LRRC7: variants seen among roughly 807,000 people sequenced by gnomAD.
LRRC7 encodes the protein leucine-rich repeat-containing protein 7.
A neutral mutation model predicts 175.7 loss-of-function variants in LRRC7; 23 were observed. The observed-to-expected ratio is 0.13, with a 90% CI of 0.09 to 0.19. The LOEUF (loss-of-function observed/expected upper bound fraction) is 0.19. Among genes scored for constraint, LRRC7 ranks in the 10% least tolerant of loss-of-function variants. LRRC7 has a pLI of 1.00. For synonymous variants in LRRC7, 685 were observed against 680.9 expected, an observed-to-expected ratio of 1.01 and a Z score of -0.09; for missense variants, 1,354 against 1,904.7, an observed-to-expected ratio of 0.71 and a Z score of 5.38.
At chr1:69,993,529 C>CCACA (rs147799973) in intron 10 of LRRC7, among the ~76,000 whole-genome samples, 1 of 151,202 alleles carries the variant, frequency 6.6e-6, no homozygotes, top group African/African-American at 2.4e-5. Flanking sequence ...ATACTGTGCA[C>CCACA]CACACACACA....
chr1:69,882,725 T>A (rs1219884385), intron 7 of LRRC7, among the ~76,000 whole-genome samples: 1 of 150,308 alleles, frequency 6.7e-6, no homozygotes, highest in African/African-American at 2.4e-5. Context: ...TAACCCGTCA[T>A]CTAGCATTAG....
At chr1:69,672,895 G>A (rs1314192652) in intron 1 of LRRC7, among the ~76,000 whole-genome samples, 7 of 152,182 alleles carry the variant, frequency 4.6e-5, no homozygotes, top group Non-Finnish European at 7.4e-5. Context: ...GTCGGTTCCT[G>A]TGAGTGACCT....
chr1:69,809,221 C>T (rs990558072), intron 4 of LRRC7, among the ~76,000 whole-genome samples: 26 of 152,184 alleles, frequency 1.7e-4, no homozygotes, highest in African/African-American at 5.5e-4. Context: ...AAGTCTAAAC[C>T]AGGAAGAAGT....
At chr1:69,983,858 C>G (rs1279426823) in intron 9 of LRRC7, among the ~76,000 whole-genome samples, 1 of 152,154 alleles carries the variant, frequency 6.6e-6, no homozygotes. Context: ...TGTGACATGA[C>G]TTAATCTCCA....
chr1:69,884,977 T>C (rs1338712563), intron 7 of LRRC7, among the ~76,000 whole-genome samples: 1 of 150,270 alleles, frequency 6.7e-6, no homozygotes, highest in African/African-American at 2.5e-5. Flanking sequence ...CACTTGATCA[T>C]GGTGGGTAAG....
At chr1:69,643,075 C>T (rs1032874044) in intron 1 of LRRC7, among the ~76,000 whole-genome samples, 1 of 151,996 alleles carries the variant, frequency 6.6e-6, no homozygotes, top group African/African-American at 2.4e-5. Context: ...GTCCTGAAAT[C>T]TGAAGGCCCA....
At chr1:69,867,796 C>T (rs1382992710) in intron 7 of LRRC7, among the ~76,000 whole-genome samples, 1 of 152,008 alleles carries the variant, frequency 6.6e-6, no homozygotes, top group Non-Finnish European at 1.5e-5. Flanking sequence ...GTGCTTGATG[C>T]TTGGGTGAAT....
At chr1:69,575,284 G>T (rs181942016) in intron 1 of LRRC7, among the ~76,000 whole-genome samples, 2 of 152,078 alleles carry the variant, frequency 1.3e-5, no homozygotes, top group Non-Finnish European at 2.9e-5. Context: ...TCTTACACCC[G>T]AGCAAAGTAG....
At chr1:69,723,985 C>A (rs1666649334) in intron 2 of LRRC7, among the ~76,000 whole-genome samples, 1 of 152,132 alleles carries the variant, frequency 6.6e-6, no homozygotes. Flanking sequence ...ACATTCCATT[C>A]ACTGCAAGTA....
intron 7 of LRRC7, among the ~76,000 whole-genome samples, chr1:69,909,245 A>C (rs1646434833): frequency 6.6e-6 from 1 of 152,150 alleles, no homozygotes; most frequent in Admixed American, 6.5e-5. Flanking sequence ...TGTGTCTTTT[A>C]ATTGGAGCAT....
intron 7 of LRRC7, among the ~76,000 whole-genome samples, chr1:69,847,824 C>T (rs565533437): frequency 1.3e-5 from 2 of 152,224 alleles, no homozygotes; most frequent in South Asian, 2.1e-4. Context: ...GTTGTCAGAG[C>T]TTTCTTATTA....
intron 7 of LRRC7, chr1:69,919,511 C>A (rs1646817072): frequency 1.2e-6 from 1 of 827,254 alleles, no homozygotes; most frequent in Non-Finnish European, 2.0e-6. Flanking sequence ...CAGGGGGAGC[C>A]CGCCAGGGTC....
intron 2 of LRRC7, among the ~76,000 whole-genome samples, chr1:69,750,061 A>AAAATAAATAAATAAATAAATAAAT (rs368323946): frequency 2.9e-5 from 4 of 139,128 alleles, no homozygotes; most frequent in African/African-American, 5.4e-5. Flanking sequence ...CTATGTCTCA[A>AAAATAAATAAATAAATAAATAAAT]AAATAAATAA....
intron 1 of LRRC7, among the ~76,000 whole-genome samples, chr1:69,601,724 A>G (rs1328662648): frequency 6.6e-6 from 1 of 152,240 alleles, no homozygotes. Context: ...ATGGGAAAAT[A>G]AAAATATTGG....
At chr1:69,640,404 G>A (rs1654026758) in intron 1 of LRRC7, among the ~76,000 whole-genome samples, 1 of 151,544 alleles carries the variant, frequency 6.6e-6, no homozygotes, top group Non-Finnish European at 1.5e-5. Context: ...TTTTTGACTT[G>A]TATAATAGTG....
rs199999690 is a variant in LRRC7, at chr1:70,038,306, A to G, written c.2482A>G (p.Asn828Asp). ...VAEETTAENANSNPLLSSKSR... is the reference protein window; with the variant it reads ...VAEETTAENADSNPLLSSKSR... Reference sequence around the variant, plus strand: ...TGAGGAAACCACAGCCGAGAATGCCAACAGTAATCCTCTCTTAAGTTCGAA... The same window carrying G: ...TGAGGAAACCACAGCCGAGAATGCCGACAGTAATCCTCTCTTAAGTTCGAA... The change falls in exon 21 of 27, where the codon AAC becomes GAC. Residue 828 changes from asparagine (N) to aspartate (D), a missense_variant. Physicochemically the swap from Asn to Asp is conservative, Grantham distance 23. Transcript: ENST00000651989. 72 of 1,614,020 alleles carry G rather than the reference A, an allele frequency of 4.5e-5. No individual in the cohort carries two copies. Among genetic ancestry groups the G allele is most frequent in the Non-Finnish European group, 5.8e-5 (68 of 1,180,014 alleles).
At chr1:69,956,650 C>T (rs779473085) in intron 8 of LRRC7, among the ~76,000 whole-genome samples, 91 of 151,362 alleles carry the variant, frequency 6.0e-4, no homozygotes, top group Non-Finnish European at 1.0e-3. Flanking sequence ...CTATTCTAAC[C>T]TGATACCTAA....
chr1:70,004,020 A>AAAGG (rs1655774591), intron 11 of LRRC7, among the ~76,000 whole-genome samples: 1 of 152,162 alleles, frequency 6.6e-6, no homozygotes, highest in African/African-American at 2.4e-5. Context: ...TCAACTTTCT[A>AAAGG]AATAGTGAAA....
chr1:70,002,137 T>C (rs1655595564), intron 11 of LRRC7, among the ~76,000 whole-genome samples: 1 of 152,196 alleles, frequency 6.6e-6, no homozygotes, highest in African/African-American at 2.4e-5. Context: ...AGCTTTGTAG[T>C]CTTGGGTAAA....
Sources: allele counts gnomAD v4.1 joint callset (sites outside exome capture counted in the v4.1 genomes callset), GRCh38; gene constraint gnomAD v4.1.1; transcripts MANE v1.5; gene names NCBI Gene and HGNC (gene_info 2026-07-23, HGNC 2026-07-21).